MALRD1: variants seen among roughly 807,000 people sequenced by gnomAD.
MALRD1 encodes MAM and LDL-receptor class A domain-containing protein 1.
Under a neutral mutation model 242.1 loss-of-function variants are expected in MALRD1, and 247 were observed. That is an observed-to-expected ratio of 1.02 (90% confidence interval 0.92 to 1.13). The LOEUF is 1.13. Among genes scored for constraint, MALRD1 ranks in the 50% most tolerant of loss-of-function variants. The pLI is 0.00. For synonymous variants in MALRD1, 995 were observed against 866.6 expected (o/e 1.15, Z -2.60); for missense variants, 2,989 against 2,533.1 (o/e 1.18, Z -3.86).
intron 26 of MALRD1, among the ~76,000 whole-genome samples, chr10:19,368,899 G>T (rs1049039460): frequency 6.8e-6 from 1 of 148,146 alleles, no homozygotes; most frequent in African/African-American, 2.5e-5. Flanking sequence ...GTTTGTGTGT[G>T]TGTGTGTGTG....
intron 2 of MALRD1, among the ~76,000 whole-genome samples, chr10:19,067,785 A>T (rs574537921): frequency 6.6e-6 from 1 of 152,278 alleles, no homozygotes; most frequent in African/African-American, 2.4e-5. Flanking sequence ...AAAATTGTTG[A>T]TGGAGCTTAT....
intron 22 of MALRD1, among the ~76,000 whole-genome samples, chr10:19,326,361 T>G (rs1029274484): frequency 6.6e-6 from 1 of 152,098 alleles, no homozygotes; most frequent in Non-Finnish European, 1.5e-5. Context: ...GGATTAAAAT[T>G]TTGTAAGTAT....
At chr10:19,502,850 T>C (rs1269722880) in intron 31 of MALRD1, among the ~76,000 whole-genome samples, 1 of 152,160 alleles carries the variant, frequency 6.6e-6, no homozygotes, top group East Asian at 1.9e-4. Flanking sequence ...TCAATAGATA[T>C]GAGAAAGTTT....
chr10:19,155,216 A>T (rs1323336846), intron 12 of MALRD1, 44 bp downstream of exon 12: 1 of 1,102,096 alleles, frequency 9.1e-7, no homozygotes, highest in African/African-American at 1.6e-5. Flanking sequence ...CTGCGGTTGT[A>T]AATCGCTGAG....
chr10:19,445,576 AC>A (rs1834925670), intron 28 of MALRD1, among the ~76,000 whole-genome samples: 1 of 152,178 alleles, frequency 6.6e-6, no homozygotes, highest in African/African-American at 2.4e-5. Context: ...TCTACTCCAG[AC>A]CCTGTTTACC....
chr10:19,247,650 A>G (rs138758823), intron 18 of MALRD1, among the ~76,000 whole-genome samples: 233 of 152,148 alleles, frequency 1.5e-3, no homozygotes, highest in African/African-American at 5.0e-3. Flanking sequence ...GCATTTCCAC[A>G]TGTAAATAAT....
At chr10:19,107,793 T>C (rs999646010) in intron 5 of MALRD1, among the ~76,000 whole-genome samples, 1 of 152,092 alleles carries the variant, frequency 6.6e-6, no homozygotes, top group Non-Finnish European at 1.5e-5. Flanking sequence ...CATTTGTTTA[T>C]CTGCTGTAAT....
chr10:19,294,266 G>A (rs1228487364), intron 21 of MALRD1, among the ~76,000 whole-genome samples: 1 of 152,004 alleles, frequency 6.6e-6, no homozygotes, highest in Non-Finnish European at 1.5e-5. Flanking sequence ...TGTTATAATT[G>A]CCCCCAAAAT....
At chr10:19,274,969 G>A (rs1330829466) in intron 19 of MALRD1, among the ~76,000 whole-genome samples, 1 of 152,010 alleles carries the variant, frequency 6.6e-6, no homozygotes, top group African/African-American at 2.4e-5. Flanking sequence ...ACAAACATGA[G>A]AAAATACAAA....
At chr10:19,531,562 A>G (rs1231365482) in intron 32 of MALRD1, among the ~76,000 whole-genome samples, 1 of 152,134 alleles carries the variant, frequency 6.6e-6, no homozygotes, top group African/African-American at 2.4e-5. Context: ...GACGGCTGCC[A>G]CCTGAACTCA....
intron 38 of MALRD1, among the ~76,000 whole-genome samples, chr10:19,694,359 A>T (rs542944586): frequency 9.6e-4 from 146 of 152,262 alleles, no homozygotes; most frequent in African/African-American, 3.1e-3. Context: ...GAATCTACAA[A>T]GAACTCAAAC....
intron 21 of MALRD1, among the ~76,000 whole-genome samples, chr10:19,303,326 T>A (rs973748604): frequency 6.6e-6 from 1 of 151,612 alleles, no homozygotes; most frequent in African/African-American, 2.4e-5. Flanking sequence ...AAAATAGTCA[T>A]TACACCAAGT....
At chr10:19,534,534 G>A (rs1227824568) in intron 32 of MALRD1, among the ~76,000 whole-genome samples, 4 of 152,074 alleles carry the variant, frequency 2.6e-5, no homozygotes, top group South Asian at 2.1e-4. Flanking sequence ...ACAAATAATT[G>A]ATGCCAAAAG....
At chr10:19,339,148 C>T (rs981344617) in intron 24 of MALRD1, among the ~76,000 whole-genome samples, 2 of 151,930 alleles carry the variant, frequency 1.3e-5, no homozygotes, top group African/African-American at 2.4e-5. Flanking sequence ...TTAGTTTGGA[C>T]TTTATCCCAA....
chr10:19,259,827 C>T (rs1839669394), intron 19 of MALRD1, among the ~76,000 whole-genome samples: 1 of 152,166 alleles, frequency 6.6e-6, no homozygotes, highest in East Asian at 1.9e-4. Flanking sequence ...CTGAACACAA[C>T]ACAACACAGT....
intron 36 of MALRD1, among the ~76,000 whole-genome samples, chr10:19,682,033 A>G (rs552353268): frequency 6.6e-5 from 10 of 152,046 alleles, no homozygotes; most frequent in Non-Finnish European, 1.0e-4. Context: ...GAATAACTAT[A>G]TCTCTGTGTT....
At chr10:19,677,891 G>T (rs765373336) in intron 36 of MALRD1, among the ~76,000 whole-genome samples, 53 of 152,126 alleles carry the variant, frequency 3.5e-4, no homozygotes, top group South Asian at 4.1e-4. Flanking sequence ...GCATATGCTA[G>T]CCAGTTATCC....
chr10:19,283,711 A>T (rs1183167913), intron 21 of MALRD1, among the ~76,000 whole-genome samples: 1 of 152,248 alleles, frequency 6.6e-6, no homozygotes, highest in Non-Finnish European at 1.5e-5. Context: ...TCATGCCATT[A>T]AATATTCATC....
At chr10:19,513,748 G>GAAA (rs35386619) in intron 31 of MALRD1, among the ~76,000 whole-genome samples, 2 of 149,396 alleles carry the variant, frequency 1.3e-5, no homozygotes, top group Non-Finnish European at 3.0e-5. Flanking sequence ...CAAAAGAAAA[G>GAAA]AAAAAAAAAA....
Sources: gnomAD v4.1 joint callset for allele counts (sites outside exome capture counted in the v4.1 genomes callset) on GRCh38, gnomAD v4.1.1 for gene constraint, MANE v1.5 for transcripts, NCBI Gene and HGNC (gene_info 2026-07-23, HGNC 2026-07-21) for gene names.